Variants in ABLIM2 observed in about 807,000 individuals in gnomAD.
ABLIM2 encodes actin binding LIM protein family member 2.
A neutral mutation model predicts 97.7 loss-of-function variants in ABLIM2; 53 were observed. That is an observed-to-expected ratio of 0.54 (90% CI 0.44 to 0.68). ABLIM2 has a LOEUF of 0.68. ABLIM2 is among the 30% of genes least tolerant of loss of function. The probability of loss-of-function intolerance (pLI) is 0.00; values close to 1 mark genes in which losing one functional copy is unlikely to be tolerated. For missense variants in ABLIM2, 835 were observed against 867.2 expected (o/e 0.96, Z 0.47); for synonymous variants, 361 against 345.8 (o/e 1.04, Z -0.49).
chr4:7,998,174 C>G lies in ABLIM2; in HGVS notation c.1619-5247G>C, dbSNP rs1754685376. Among the ~76,000 whole-genome samples, 1 of 152,140 alleles carries G rather than the reference C, an allele frequency of 6.6e-6. No homozygotes were observed. Among genetic ancestry groups the G allele is most frequent in the Non-Finnish European group, 1.5e-5 (1 of 68,038 alleles). On this transcript the variant is annotated intron_variant, in intron 16 of 20. Coordinates refer to ENST00000447017, the MANE Select transcript of ABLIM2 (RefSeq NM_001130083.2). The surrounding 1 kb of genome is among the most constrained non-coding windows in gnomAD (Gnocchi z 6.4). ...GTGCTGGGATTACAGGTGTGAGCCA[C>G]TGCGCCGGGCCTTCTGCTGTCTTTT...
At chr4:7,984,731 C>G (rs1013611620) in intron 18 of ABLIM2, 108 bp downstream of exon 18, 1 of 1,274,184 alleles carries the variant, frequency 7.8e-7, no homozygotes, top group African/African-American at 1.5e-5. Context: ...CCGGCACTCC[C>G]GGAGCCTTCT....
At chr4:8,053,057 C>T (rs1269780815) in intron 8 of ABLIM2, among the ~76,000 whole-genome samples, 1 of 152,196 alleles carries the variant, frequency 6.6e-6, no homozygotes, top group African/African-American at 2.4e-5. Flanking sequence ...GGGTCACAGA[C>T]CACCAGCCAG....
chr4:8,154,560 G>A (rs917077545), intron 1 of ABLIM2, among the ~76,000 whole-genome samples: 20 of 152,296 alleles, frequency 1.3e-4, no homozygotes, highest in South Asian at 2.1e-4. Flanking sequence ...GATTACAGGC[G>A]TAAGCCACCG....
In ABLIM2 at chr4:8,005,424, C is replaced by T. The variant is rs751570272; in HGVS notation, c.1618+2635G>A. 16 of 533,316 alleles carry T rather than the reference C, an allele frequency of 3.0e-5. No homozygotes were observed. Among genetic ancestry groups the T allele is most frequent in the Non-Finnish European group, 4.2e-5 (11 of 259,976 alleles). The allele number at this position is 533,316 out of a possible 1,614,324, so 33.0% of individuals were successfully genotyped here. A position where few individuals can be genotyped will look rare whatever the true frequency, so the allele number is the denominator to read the frequency against. Reference sequence around the variant, plus strand: ...CTTCCTTGGGCGCGCTACAGATGGACGTCCCGGGGTGCAGGTGGCGTGCCT... The same window carrying T: ...CTTCCTTGGGCGCGCTACAGATGGATGTCCCGGGGTGCAGGTGGCGTGCCT... On this transcript the variant is annotated intron_variant, in intron 16 of 20. Coordinates refer to ENST00000447017, the MANE Select transcript of ABLIM2 (RefSeq NM_001130083.2). This position sits in a 1 kb window ranked among gnomAD's most constrained non-coding sequence, Gnocchi z 4.9.
rs1187362746 is a variant in ABLIM2, at chr4:8,067,100, C to T, written c.676-6046G>A. 6.6e-6 allele frequency: 1 copy of T among 152,214 alleles called. No individual in the cohort carries two copies. The highest frequency in any genetic ancestry group is 2.4e-5 in the African/African-American group (1 of 41,418). 9.4% of individuals were successfully genotyped at this position (152,214 alleles called of 1,614,324 possible). On this transcript the variant is annotated intron_variant, in intron 6 of 20. Coordinates refer to ENST00000447017, the MANE Select transcript of ABLIM2 (RefSeq NM_001130083.2). This position sits in a 1 kb window ranked among gnomAD's most constrained non-coding sequence, Gnocchi z 5.4. ...CTCAGAGAGGCGAGGGGGGCCTACC[C>T]AAGGCCATGTCATTGAGAGAATGAG...
At chr4:7,969,573 C>T (rs943250582) in intron 20 of ABLIM2, among the ~76,000 whole-genome samples, 10 of 152,158 alleles carry the variant, frequency 6.6e-5, no homozygotes, top group African/African-American at 1.7e-4. Context: ...TTGCCACTCA[C>T]GCATTTCACA....
intron 9 of ABLIM2, among the ~76,000 whole-genome samples, chr4:8,038,056 G>C (rs530950670): frequency 2.6e-5 from 4 of 152,336 alleles, no homozygotes; most frequent in African/African-American, 9.6e-5. Context: ...CTCTGGTGGA[G>C]ATCCCTGTTG....
Position 8,002,846 on chromosome 4 carries a change from C to T in ABLIM2, c.1618+5213G>A, listed in dbSNP as rs1056370440. ...ATGCGGAATGCTCTCCCCCATATACCGGCCCTATTCAAGTGTACACCCACT... is the reference window on the plus strand; with the variant it reads ...ATGCGGAATGCTCTCCCCCATATACTGGCCCTATTCAAGTGTACACCCACT... On this transcript the variant is annotated intron_variant, in intron 16 of 20. Transcript: ENST00000447017. The surrounding 1 kb of genome is among the most constrained non-coding windows in gnomAD (Gnocchi z 6.1). Among the ~76,000 whole-genome samples, 3 of 152,200 alleles carry T rather than the reference C, an allele frequency of 2.0e-5. No homozygotes were observed. The highest frequency in any genetic ancestry group is 4.4e-5 in the Non-Finnish European group (3 of 68,038).
chr4:8,098,544 T>G (rs1252761332), intron 2 of ABLIM2, among the ~76,000 whole-genome samples: 1 of 152,166 alleles, frequency 6.6e-6, no homozygotes, highest in African/African-American at 2.4e-5. Context: ...CTGGAACGCC[T>G]ACATTCCAGG....
chr4:8,101,587 C>A (rs942026843), intron 2 of ABLIM2, among the ~76,000 whole-genome samples: 5 of 152,224 alleles, frequency 3.3e-5, no homozygotes, highest in African/African-American at 1.2e-4. Context: ...GCCTTACATG[C>A]GCAGCTCACG....
rs1831029883 is a variant in ABLIM2 at position 8,095,381 on chromosome 4, G to A, written c.338+1718C>T. Among the ~76,000 whole-genome samples the A allele has an allele frequency of 1.3e-5, 2 of 152,128 alleles. No homozygotes were observed. Among genetic ancestry groups the A allele is most frequent in the Admixed American group, 1.3e-4 (2 of 15,282 alleles). On this transcript the variant is annotated intron_variant, in intron 3 of 20. Transcript: ENST00000447017. This position sits in a 1 kb window ranked among gnomAD's most constrained non-coding sequence, Gnocchi z 4.7. ...GGCCTCCCAAAGTGGAGGGATTATA[G>A]GCATGAGCTGCTGTGCCCAGCCATC...
intron 17 of ABLIM2, among the ~76,000 whole-genome samples, chr4:7,990,728 G>T (rs1748043326): frequency 6.6e-6 from 1 of 152,112 alleles, no homozygotes; most frequent in Admixed American, 6.6e-5. Context: ...CATCTCCAGG[G>T]GAAGGTCATG....
intron 4 of ABLIM2, among the ~76,000 whole-genome samples, chr4:8,086,873 A>C (rs1043667345): frequency 6.6e-6 from 1 of 151,254 alleles, no homozygotes; most frequent in Non-Finnish European, 1.5e-5. Context: ...CTGGAGAGAA[A>C]TTTTTGAATG....
At position 8,021,629 on chromosome 4, in the gene ABLIM2, G is replaced by C. The variant is rs1773795110; in HGVS notation, c.1268-1326C>G. On this transcript the variant is annotated intron_variant, in intron 12 of 20. Transcript: ENST00000447017. This position sits in a 1 kb window ranked among gnomAD's most constrained non-coding sequence, Gnocchi z 5.5. ...GCTGGGCCTGAAGGTGGACTGGCCA[G>C]GGACCCCACAGTGGACTCGTGAGGA... Among the ~76,000 whole-genome samples the C allele has an allele frequency of 6.6e-6, 1 of 152,234 alleles. No homozygotes were observed. The highest frequency in any genetic ancestry group is 1.5e-5 in the Non-Finnish European group (1 of 68,034).
chr4:8,059,659 T>A (rs1216873030), intron 7 of ABLIM2, among the ~76,000 whole-genome samples: 2 of 152,042 alleles, frequency 1.3e-5, no homozygotes, highest in Non-Finnish European at 2.9e-5. Context: ...CTCAGCACTT[T>A]GGGAGGCCGA....
rs555547944 is a variant in ABLIM2 at position 8,001,320 on chromosome 4, C to T, written c.1618+6739G>A. On this transcript the variant is annotated intron_variant, in intron 16 of 20. Coordinates refer to ENST00000447017, the MANE Select transcript of ABLIM2 (RefSeq NM_001130083.2). The surrounding 1 kb of genome is among the most constrained non-coding windows in gnomAD (Gnocchi z 4.2). ...GCCACCCAGGGCCTGTGCTGCTACC[C>T]GCAGAACTGGGAGGCCACACCCTGT... Among the ~76,000 whole-genome samples the T allele has an allele frequency of 1.3e-5, 2 of 152,112 alleles. No homozygotes were observed. The highest frequency in any genetic ancestry group is 2.4e-5 in the African/African-American group (1 of 41,424).
At position 8,058,238 on chromosome 4, in the gene ABLIM2, G is replaced by C. The variant is rs1800592712; in HGVS notation, c.763+2729C>G. Among the ~76,000 whole-genome samples the C allele has an allele frequency of 2.0e-5, 3 of 152,232 alleles. 1 individual carries two copies. The highest frequency in any genetic ancestry group is 4.4e-5 in the Non-Finnish European group (3 of 68,032). On this transcript the variant is annotated intron_variant, in intron 7 of 20. Coordinates refer to ENST00000447017, the MANE Select transcript of ABLIM2 (RefSeq NM_001130083.2). The surrounding 1 kb of genome is among the most constrained non-coding windows in gnomAD (Gnocchi z 4.2). ...CCATGCAGAGCAAGGCCCCTGCCCA[G>C]ACAGCCTGGCACTGCTGGGACGGTC...
At chr4:8,092,407 C>T (rs1195844065) in intron 3 of ABLIM2, among the ~76,000 whole-genome samples, 1 of 152,200 alleles carries the variant, frequency 6.6e-6, no homozygotes, top group Non-Finnish European at 1.5e-5. Flanking sequence ...GCAAAAACTG[C>T]TTTCCTTTTG....
In ABLIM2 at chr4:8,021,683, G is replaced by A. The variant is rs937480351; in HGVS notation, c.1268-1380C>T. Among the ~76,000 whole-genome samples, 2 of 152,264 alleles carry A rather than the reference G, an allele frequency of 1.3e-5. No individual in the cohort carries two copies. Among genetic ancestry groups the A allele is most frequent in the Non-Finnish European group, 2.9e-5 (2 of 68,052 alleles). The stretch of plus-strand genomic sequence containing the variant: ...CTCGACAGACACTGGCCCAGAGGGG[G>A]CTCTTGCCTGGTGGTGGGCTGCATG... On this transcript the variant is annotated intron_variant, in intron 12 of 20. Transcript: ENST00000447017. This position sits in a 1 kb window ranked among gnomAD's most constrained non-coding sequence, Gnocchi z 5.5.
Sources: gnomAD v4.1 joint callset for allele counts (sites outside exome capture counted in the v4.1 genomes callset) on GRCh38, gnomAD v4.1.1 for gene constraint, Gnocchi (gnomAD v3.1) non-coding constraint, MANE v1.5 for transcripts, NCBI Gene and HGNC (gene_info 2026-07-23, HGNC 2026-07-21) for gene names.